Variants in TRAM1 observed in about 807,000 individuals in gnomAD.
TRAM1 encodes translocating chain-associated membrane protein 1.
In TRAM1, 17 loss-of-function variants were observed where a neutral mutation model predicts 48.7. The ratio of observed to expected loss-of-function variants is 0.35; its 90% confidence interval spans 0.24 to 0.52. The LOEUF (loss-of-function observed/expected upper bound fraction) is 0.52. TRAM1 is among the 20% of genes least tolerant of loss of function. The probability of loss-of-function intolerance (pLI) is 0.94; values close to 1 mark genes in which losing one functional copy is unlikely to be tolerated. For synonymous variants in TRAM1, 182 were observed against 154.0 expected, an observed-to-expected ratio of 1.18 and a Z score of -1.34; for missense variants, 351 against 441.5, an observed-to-expected ratio of 0.79 and a Z score of 1.84.
chr8:70,607,972 C>A, intron 1 of TRAM1, 105 bp downstream of exon 1: 6 of 1,388,208 alleles, frequency 4.3e-6, no homozygotes, highest in South Asian at 1.5e-5. Context: ...CCACCCCGGG[C>A]CCGAGCCCCC....
At chr8:70,592,344 T>G (rs1817384363) in intron 6 of TRAM1, among the ~76,000 whole-genome samples, 1 of 152,208 alleles carries the variant, frequency 6.6e-6, no homozygotes, top group Non-Finnish European at 1.5e-5. Context: ...AAACAATCAC[T>G]GTACTAGTTT....
At chr8:70,588,450 C>T (rs1023007144) in intron 6 of TRAM1, among the ~76,000 whole-genome samples, 7 of 152,014 alleles carry the variant, frequency 4.6e-5, no homozygotes, top group African/African-American at 1.7e-4. Flanking sequence ...ATTAGCCAGG[C>T]ATGGTGGCAT....
At position 70,608,164 on chromosome 8, in the gene TRAM1, T is replaced by TG; in HGVS notation, c.35dup (p.Val13SerfsTer29). On this transcript the variant is annotated frameshift_variant, in exon 1 of 11. Coordinates refer to ENST00000262213, the MANE Select transcript of TRAM1 (RefSeq NM_014294.6). LOFTEE classifies it high-confidence loss of function. The stretch of plus-strand genomic sequence containing the variant: ...GCAGGACGAATTCGTGGCTCAGCAC[T>TG]GGGGGGCTCTTGGTGCTTTTCTTGC... The TG allele has an allele frequency of 1.3e-6, 2 of 1,594,508 alleles. No individual in the cohort carries two copies. Among genetic ancestry groups the TG allele is most frequent in the Non-Finnish European group, 1.7e-6 (2 of 1,171,798 alleles).
At chr8:70,593,774 G>T (rs1253845178) in intron 6 of TRAM1, among the ~76,000 whole-genome samples, 1 of 152,034 alleles carries the variant, frequency 6.6e-6, no homozygotes, top group African/African-American at 2.4e-5. Flanking sequence ...AAAAGATGGT[G>T]GCGATGGGAG....
At chr8:70,583,862 C>T in intron 8 of TRAM1, 69 bp from the exon 9 acceptor site, 1 of 1,490,372 alleles carries the variant, frequency 6.7e-7, no homozygotes, top group East Asian at 2.4e-5. Context: ...AAATTAGATT[C>T]CTAAGTTGGG....
intron 8 of TRAM1, among the ~76,000 whole-genome samples, chr8:70,585,365 G>C: frequency 6.6e-6 from 1 of 151,874 alleles, no homozygotes. Context: ...CATAGGCATG[G>C]GCAAGGACTT....
In TRAM1 at chr8:70,588,506, C is replaced by T. The variant is rs1349718761; in HGVS notation, c.571-1330G>A. On this transcript the variant is annotated intron_variant, in intron 6 of 10. Coordinates refer to ENST00000262213, the MANE Select transcript of TRAM1 (RefSeq NM_014294.6). Reference sequence around the variant, plus strand: ...TTGGGAAGCTGAGGCAGAAAGATTGCTTGAGCCCAGGAGTTCAAGGATGCA... The same window carrying T: ...TTGGGAAGCTGAGGCAGAAAGATTGTTTGAGCCCAGGAGTTCAAGGATGCA... 2.6e-5 allele frequency among the ~76,000 whole-genome samples: 4 copies of T among 152,084 alleles called. No homozygotes were observed. In the South Asian group the frequency reaches 6.2e-4, roughly 24 times the overall value.
chr8:70,582,048 T>C (rs1322653526), intron 10 of TRAM1, among the ~76,000 whole-genome samples: 1 of 152,208 alleles, frequency 6.6e-6, no homozygotes, highest in Non-Finnish European at 1.5e-5. Flanking sequence ...TGCACGATTT[T>C]GTGAACATAC....
intron 1 of TRAM1, among the ~76,000 whole-genome samples, chr8:70,604,199 T>C (rs1486520593): frequency 1.3e-5 from 2 of 151,468 alleles, no homozygotes; most frequent in African/African-American, 4.9e-5. Flanking sequence ...GAAACTGTAA[T>C]GAATTACCTA....
At chr8:70,584,663 T>G (rs1487929092) in intron 8 of TRAM1, among the ~76,000 whole-genome samples, 3 of 152,036 alleles carry the variant, frequency 2.0e-5, no homozygotes, top group African/African-American at 7.3e-5. Flanking sequence ...AAATCATGAG[T>G]GAACTCCCAT....
chr8:70,577,284 A>C (rs534598260), intron 10 of TRAM1, among the ~76,000 whole-genome samples: 35 of 152,322 alleles, frequency 2.3e-4, no homozygotes, highest in African/African-American at 8.4e-4. Flanking sequence ...GGAGGCAGAC[A>C]GGTTCCTGGG....
Position 70,608,306 on chromosome 8 carries a change from T to C in TRAM1, c.-107A>G, listed in dbSNP as rs1817799859. On this transcript the variant is annotated 5_prime_UTR_variant, in exon 1 of 11. Transcript: ENST00000262213. ...CGCTGGCTGCTCCTCACGGCCCCGC[T>C]GCAGCCGCTCGCTGGGGCTTCACTT... is the stretch of plus-strand genomic sequence containing the variant. The C allele has an allele frequency of 2.2e-5, 31 of 1,401,590 alleles. No homozygotes were observed. The highest frequency in any genetic ancestry group is 4.5e-5 in the African/African-American group (3 of 66,166). 86.8% of individuals were successfully genotyped at this position (1,401,590 alleles called of 1,614,324 possible). A position where few individuals can be genotyped will look rare whatever the true frequency, so the allele number is the denominator to read the frequency against.
intron 1 of TRAM1, among the ~76,000 whole-genome samples, chr8:70,602,447 C>T (rs1029743231): frequency 1.3e-5 from 2 of 152,164 alleles, no homozygotes; most frequent in African/African-American, 4.8e-5. Context: ...TGACAGGGAA[C>T]AAAATTGTAA....
chr8:70,583,822 C>T, intron 8 of TRAM1, 29 bp from the exon 9 acceptor site: 1 of 1,521,088 alleles, frequency 6.6e-7, no homozygotes, highest in Non-Finnish European at 8.8e-7. Context: ...AAGTCAAATT[C>T]CTGAAATCTC....
At chr8:70,597,196 T>C (rs2132040527) in intron 4 of TRAM1, among the ~76,000 whole-genome samples, 1 of 152,328 alleles carries the variant, frequency 6.6e-6, no homozygotes, top group African/African-American at 2.4e-5. Flanking sequence ...TGCCTTTCTT[T>C]TTCTCATTAG....
At chr8:70,596,791 A>T (rs1237150481) in intron 4 of TRAM1, among the ~76,000 whole-genome samples, 1 of 150,918 alleles carries the variant, frequency 6.6e-6, no homozygotes, top group Non-Finnish European at 1.5e-5. Flanking sequence ...AGATAATCAG[A>T]TCTACTCAGT....
At chr8:70,605,528 C>T (rs1817700412) in intron 1 of TRAM1, among the ~76,000 whole-genome samples, 1 of 152,084 alleles carries the variant, frequency 6.6e-6, no homozygotes, top group African/African-American at 2.4e-5. Flanking sequence ...ACAGGCTTAA[C>T]AGTTCTGCAA....
At chr8:70,607,296 A>ATGG (rs1243602534) in intron 1 of TRAM1, 1 of 985,120 alleles carries the variant, frequency 1.0e-6, no homozygotes, top group African/African-American at 1.7e-5. Context: ...ATCCTCTCCT[A>ATGG]CTTCAAGAAA....
At chr8:70,605,474 A>G (rs1226267279) in intron 1 of TRAM1, among the ~76,000 whole-genome samples, 1 of 152,168 alleles carries the variant, frequency 6.6e-6, no homozygotes, top group Non-Finnish European at 1.5e-5. Flanking sequence ...TTCTTTGTCA[A>G]TGTCACCATA....
Sources: allele counts gnomAD v4.1 joint callset (sites outside exome capture counted in the v4.1 genomes callset), GRCh38; gene constraint gnomAD v4.1.1; transcripts MANE v1.5; gene names NCBI Gene and HGNC (gene_info 2026-07-23, HGNC 2026-07-21).